PRDM16: variants seen among roughly 807,000 people sequenced by gnomAD.
PRDM16 encodes histone-lysine N-methyltransferase PRDM16.
In PRDM16, 23 loss-of-function variants were observed where a neutral mutation model predicts 110.6. That is an observed-to-expected ratio of 0.21 (90% CI 0.15 to 0.29). PRDM16 has a LOEUF of 0.29. PRDM16 is among the 10% of genes least tolerant of loss of function. The pLI is 1.00. For synonymous variants in PRDM16, 799 were observed against 781.8 expected (o/e 1.02, Z -0.37); for missense variants, 1,615 against 1,794.3 (o/e 0.90, Z 1.81).
rs996641258 is a variant in PRDM16 at position 3,319,613 on chromosome 1, G to A, written c.439-65539G>A. On this transcript the variant is annotated intron_variant, in intron 3 of 16. Transcript: ENST00000270722. ...CTGGCTTCAGGGATGGAAGGAGAGC[G>A]TGGAGGCGTCAGGCGCTCCTCTCTC... Among the ~76,000 whole-genome samples the A allele has an allele frequency of 4.6e-5, 7 of 152,154 alleles. No individual in the cohort carries two copies. The South Asian group carries it at 6.2e-4, about 14-fold the overall frequency.
intron 2 of PRDM16, among the ~76,000 whole-genome samples, chr1:3,237,615 C>T (rs900297172): frequency 6.6e-6 from 1 of 152,248 alleles, no homozygotes; most frequent in African/African-American, 2.4e-5. Flanking sequence ...GGGTGTGGAG[C>T]CTGCTCCCGG....
Position 3,181,476 on chromosome 1 carries a change from A to ATG in PRDM16, c.38-4649_38-4648insTG, listed in dbSNP as rs1557509289. Among the ~76,000 whole-genome samples the ATG allele has an allele frequency of 1.8e-3, 78 of 44,374 alleles. 17 individuals are homozygous for ATG. Among genetic ancestry groups the ATG allele is most frequent in the Non-Finnish European group, 3.5e-3 (53 of 15,268 alleles). The allele number at this position is 44,374 out of a possible 152,430, so 29.1% of individuals were successfully genotyped here. On this transcript the variant is annotated intron_variant, in intron 1 of 16. Coordinates refer to ENST00000270722, the MANE Select transcript of PRDM16 (RefSeq NM_022114.4). ...GTCTTACACACGGTCTTACACACGC[A>ATG]GTCTTACACACAGCCTTACGCATGG...
rs756070450 is a variant in PRDM16, at chr1:3,412,096, T to C, written c.1899T>C (p.Pro633=). The change falls in exon 9 of 17, where the codon CCT becomes CCC. Residue 633 remains proline, a synonymous_variant. Coordinates refer to ENST00000270722, the MANE Select transcript of PRDM16 (RefSeq NM_022114.4). ...SDLDSDVDSD[P]DKDKGKGKSA... Reference sequence around the variant, plus strand: ...TGGACAGCGACGTGGACAGCGACCCTGACAAGGACAAGGGCAAGGGCAAGT... The same window carrying C: ...TGGACAGCGACGTGGACAGCGACCCCGACAAGGACAAGGGCAAGGGCAAGT... 1 of 1,586,130 alleles carries C rather than the reference T, an allele frequency of 6.3e-7. No homozygotes were observed. The highest frequency in any genetic ancestry group is 1.7e-5 in the Admixed American group (1 of 57,542).
Position 3,143,256 on chromosome 1 carries a change from C to T in PRDM16, c.38-42869C>T, listed in dbSNP as rs906134144. On this transcript the variant is annotated intron_variant, in intron 1 of 16. Coordinates refer to ENST00000270722, the MANE Select transcript of PRDM16 (RefSeq NM_022114.4). The surrounding 1 kb of genome is among the most constrained non-coding windows in gnomAD (Gnocchi z 4.5). ...TGAGACACAGGGACCCCTGGGTGTG[C>T]GGGACCGTGCCGGGAAGTGTGGACA... Among the ~76,000 whole-genome samples, 10 of 152,140 alleles carry T rather than the reference C, an allele frequency of 6.6e-5. No homozygotes were observed. The highest frequency in any genetic ancestry group is 8.8e-5 in the Non-Finnish European group (6 of 68,006).
chr1:3,241,727 C>T (rs1405527701), intron 2 of PRDM16, among the ~76,000 whole-genome samples: 1 of 152,218 alleles, frequency 6.6e-6, no homozygotes, highest in Non-Finnish European at 1.5e-5. Flanking sequence ...CCATCCCACC[C>T]GGACGCTCGG....
At chr1:3,152,499 C>T (rs1643795711) in intron 1 of PRDM16, among the ~76,000 whole-genome samples, 1 of 152,214 alleles carries the variant, frequency 6.6e-6, no homozygotes, top group Non-Finnish European at 1.5e-5. Context: ...TGAGCAGACT[C>T]TCTAAATTAG....
chr1:3,103,611 G>T (rs1471919299), intron 1 of PRDM16, among the ~76,000 whole-genome samples: 2 of 152,190 alleles, frequency 1.3e-5, no homozygotes, highest in African/African-American at 4.8e-5. Flanking sequence ...ACCTGTGGAG[G>T]GTGCCCAGGC....
intron 3 of PRDM16, among the ~76,000 whole-genome samples, chr1:3,369,509 A>T (rs1446069709): frequency 6.6e-6 from 1 of 151,040 alleles, no homozygotes; most frequent in African/African-American, 2.5e-5. Context: ...CCGTTCTTCC[A>T]CATCCGCTGG....
chr1:3,150,231 G>A (rs1400893912), intron 1 of PRDM16, among the ~76,000 whole-genome samples: 1 of 152,168 alleles, frequency 6.6e-6, no homozygotes, highest in Non-Finnish European at 1.5e-5. Flanking sequence ...GAAAGCTGTG[G>A]GTCTGACACT....
At chr1:3,196,058 GCAGGGGCCCAGAGGCAGGTGTGGGTCC>G (rs1206417938) in intron 2 of PRDM16, among the ~76,000 whole-genome samples, 1 of 152,222 alleles carries the variant, frequency 6.6e-6, no homozygotes, top group Admixed American at 6.5e-5. Flanking sequence ...GTTTGTCCAT[GCAGGGGCCCAGAGGCAGGTGTGGGTCC>G]CGCTCAGTGA....
Position 3,201,330 on chromosome 1 carries a change from G to T in PRDM16, c.387+14856G>T, listed in dbSNP as rs75928739. Among the ~76,000 whole-genome samples, 1 of 152,114 alleles carries T rather than the reference G, an allele frequency of 6.6e-6. No individual in the cohort carries two copies. Among genetic ancestry groups the T allele is most frequent in the Admixed American group, 6.5e-5 (1 of 15,270 alleles). ...CTTCAATTGCACTGACTTGAAGCTC[G>T]CACAGAGATGAACAAGATGCAGCCT... On this transcript the variant is annotated intron_variant, in intron 2 of 16. Transcript: ENST00000270722. The surrounding 1 kb of genome is among the most constrained non-coding windows in gnomAD (Gnocchi z 4.1).
chr1:3,283,602 G>T (rs1325118952), intron 3 of PRDM16, among the ~76,000 whole-genome samples: 1 of 152,204 alleles, frequency 6.6e-6, no homozygotes, highest in East Asian at 1.9e-4. Flanking sequence ...CAGAGGAAGA[G>T]AGAGGGGACG....
rs539659726 is a variant in PRDM16 at position 3,244,216 on chromosome 1, T to C, written c.438+79T>C. Reference sequence around the variant, plus strand: ...GGCGGGGCGACCGCCATCCCAGCTGTCCCTGAGCTAACAAGCGTGTAGTCG... The same window carrying C: ...GGCGGGGCGACCGCCATCCCAGCTGCCCCTGAGCTAACAAGCGTGTAGTCG... On this transcript the variant is annotated intron_variant, in intron 3 of 16. Coordinates refer to ENST00000270722, the MANE Select transcript of PRDM16 (RefSeq NM_022114.4). This position sits in a 1 kb window ranked among gnomAD's most constrained non-coding sequence, Gnocchi z 4.1. 28 of 1,321,518 alleles carry C rather than the reference T, an allele frequency of 2.1e-5. No homozygotes were observed. In the South Asian group the frequency reaches 3.2e-4, roughly 15 times the overall value. 81.9% of individuals were successfully genotyped at this position (1,321,518 alleles called of 1,614,324 possible).
chr1:3,127,396 T>C (rs1643232014), intron 1 of PRDM16, among the ~76,000 whole-genome samples: 1 of 152,232 alleles, frequency 6.6e-6, no homozygotes, highest in Non-Finnish European at 1.5e-5. Flanking sequence ...CCTCGTGAGA[T>C]AGATCCCCCA....
intron 4 of PRDM16, 28 bp downstream of exon 4, chr1:3,385,314 C>T (rs988659807): frequency 1.9e-6 from 3 of 1,611,352 alleles, no homozygotes; most frequent in Non-Finnish European, 1.7e-6. Flanking sequence ...ACAGGGGCTT[C>T]TGCCTCTTGG....
rs901133647 is a variant in PRDM16, at chr1:3,433,937, A to G, written c.*126A>G. 8 of 954,338 alleles carry G rather than the reference A, an allele frequency of 8.4e-6. No individual in the cohort carries two copies. Among genetic ancestry groups the G allele is most frequent in the Non-Finnish European group, 1.1e-5 (7 of 653,062 alleles). 59.1% of individuals were successfully genotyped at this position (954,338 alleles called of 1,614,324 possible). On this transcript the variant is annotated 3_prime_UTR_variant, in exon 17 of 17. Coordinates refer to ENST00000270722, the MANE Select transcript of PRDM16 (RefSeq NM_022114.4). ...CTCCTCAGCATCCTCCCCACCCACCATGGTTCATTCCGACTTTTCCAATGG... is the reference window on the plus strand; with the variant it reads ...CTCCTCAGCATCCTCCCCACCCACCGTGGTTCATTCCGACTTTTCCAATGG...
At position 3,341,456 on chromosome 1, in the gene PRDM16, C is replaced by T. The variant is rs1005591246; in HGVS notation, c.439-43696C>T. On this transcript the variant is annotated intron_variant, in intron 3 of 16. Transcript: ENST00000270722. ...CTAAGCAGCTCCTGAATGGAAGAAT[C>T]GGGGTGGTCTGGCAGATGGAGATCA... Among the ~76,000 whole-genome samples, 6 of 152,108 alleles carry T rather than the reference C, an allele frequency of 3.9e-5. No homozygotes were observed. The East Asian group carries it at 7.7e-4, about 20-fold the overall frequency.
intron 8 of PRDM16, 62 bp from the exon 9 acceptor site, chr1:3,411,321 GT>G: frequency 6.5e-7 from 1 of 1,532,712 alleles, no homozygotes; most frequent in Non-Finnish European, 8.9e-7. Flanking sequence ...TTCATGTGGC[GT>G]TTTCAGCAGG....
chr1:3,194,277 G>A (rs1638397640), intron 2 of PRDM16, among the ~76,000 whole-genome samples: 1 of 152,176 alleles, frequency 6.6e-6, no homozygotes, highest in African/African-American at 2.4e-5. Flanking sequence ...CTGCAGAGGT[G>A]TTCACTGGTA....
Sources: gnomAD v4.1 joint callset for allele counts (sites outside exome capture counted in the v4.1 genomes callset) on GRCh38, gnomAD v4.1.1 for gene constraint, Gnocchi (gnomAD v3.1) non-coding constraint, MANE v1.5 for transcripts, NCBI Gene and HGNC (gene_info 2026-07-23, HGNC 2026-07-21) for gene names.